BCAS3: variants seen among roughly 807,000 people sequenced by gnomAD.
The protein encoded by BCAS3 is BCAS4/BCAS3 fusion.
A neutral mutation model predicts 116.1 loss-of-function variants in BCAS3; 53 were observed. The observed-to-expected ratio is 0.46, with a 90% CI of 0.37 to 0.57. BCAS3 has a LOEUF of 0.57. Ranked by LOEUF, BCAS3 falls within the 20% of genes least tolerant of loss-of-function variation. BCAS3 has a pLI of 0.00. For synonymous variants in BCAS3, 391 were observed against 408.2 expected (o/e 0.96, Z 0.51); for missense variants, 917 against 1,165.4 (o/e 0.79, Z 3.10).
intron 22 of BCAS3, among the ~76,000 whole-genome samples, chr17:61,237,125 G>A (rs1195271218): frequency 1.3e-5 from 2 of 152,100 alleles, no homozygotes; most frequent in Non-Finnish European, 2.9e-5. Context: ...TGGACTTCTG[G>A]GTAGAGTGGG....
chr17:60,964,150 C>T lies in BCAS3; in HGVS notation c.1221+16798C>T, dbSNP rs1381045700. Among the ~76,000 whole-genome samples, 7 of 152,026 alleles carry T rather than the reference C, an allele frequency of 4.6e-5. No individual in the cohort carries two copies. Among genetic ancestry groups the T allele is most frequent in the Non-Finnish European group, 7.4e-5 (5 of 68,014 alleles). On this transcript the variant is annotated intron_variant, in intron 14 of 23. Transcript: ENST00000407086. This position sits in a 1 kb window ranked among gnomAD's most constrained non-coding sequence, Gnocchi z 4.6. The stretch of plus-strand genomic sequence containing the variant: ...AAAGGCCTTCATTTTTTCCCTGTTC[C>T]GTATGATGGTAGCTGTGGATTTGTC...
rs1181501297 is a variant in BCAS3 at position 60,960,248 on chromosome 17, C to G, written c.1221+12896C>G. Among the ~76,000 whole-genome samples, 1 of 152,092 alleles carries G rather than the reference C, an allele frequency of 6.6e-6. No individual in the cohort carries two copies. The highest frequency in any genetic ancestry group is 1.5e-5 in the Non-Finnish European group (1 of 68,028). ...CACAACCCATTCATTACAGCATCAA[C>G]TCTAAGTCTAAATTTTTTTTAAAAA... On this transcript the variant is annotated intron_variant, in intron 14 of 23. Coordinates refer to ENST00000407086, the MANE Select transcript of BCAS3 (RefSeq NM_017679.5). The surrounding 1 kb of genome is among the most constrained non-coding windows in gnomAD (Gnocchi z 4.1).
chr17:61,206,063 G>GT (rs1456625657), intron 22 of BCAS3, among the ~76,000 whole-genome samples: 3 of 152,116 alleles, frequency 2.0e-5, no homozygotes, highest in African/African-American at 7.2e-5. Context: ...ACGTCTGTAG[G>GT]TTTTTTTCAT....
At chr17:60,701,255 A>C (rs1939843386) in intron 4 of BCAS3, among the ~76,000 whole-genome samples, 1 of 152,126 alleles carries the variant, frequency 6.6e-6, no homozygotes, top group African/African-American at 2.4e-5. Flanking sequence ...AAAAAAAATA[A>C]ATAAATAAAA....
chr17:60,823,004 A>C (rs535200380), intron 7 of BCAS3, among the ~76,000 whole-genome samples: 2 of 152,274 alleles, frequency 1.3e-5, no homozygotes, highest in Admixed American at 6.5e-5. Flanking sequence ...GAGAGAAAAT[A>C]GCAGAAGAAC....
intron 22 of BCAS3, among the ~76,000 whole-genome samples, chr17:61,340,332 A>G (rs73993464): frequency 0.029 from 888 of 30,158 alleles, 11 homozygotes; most frequent in African/African-American, 0.11. Context: ...ACACAGATGC[A>G]GGGGGTGGGT....
At chr17:61,099,197 G>C (rs2074164958) in intron 22 of BCAS3, among the ~76,000 whole-genome samples, 1 of 152,130 alleles carries the variant, frequency 6.6e-6, no homozygotes, top group Admixed American at 6.5e-5. Flanking sequence ...AGAACAGAGG[G>C]GGAAAAATGA....
Position 61,344,952 on chromosome 17 carries a change from C to T in BCAS3, c.2426-23375C>T, listed in dbSNP as rs1019471830. 1.3e-5 allele frequency among the ~76,000 whole-genome samples: 2 copies of T among 152,118 alleles called. No homozygotes were observed. The highest frequency in any genetic ancestry group is 1.3e-4 in the Admixed American group (2 of 15,272). ...ACACACATACACACACACACACGCA[C>T]ACCCCTCACAGAAAAATAGCCACTC... On this transcript the variant is annotated intron_variant, in intron 22 of 23. Coordinates refer to ENST00000407086, the MANE Select transcript of BCAS3 (RefSeq NM_017679.5). This position sits in a 1 kb window ranked among gnomAD's most constrained non-coding sequence, Gnocchi z 4.1.
At chr17:60,730,064 A>T (rs1438259856) in intron 5 of BCAS3, among the ~76,000 whole-genome samples, 1 of 152,322 alleles carries the variant, frequency 6.6e-6, no homozygotes, top group Non-Finnish European at 1.5e-5. Flanking sequence ...GACTGGAATG[A>T]TATTTGGATT....
Position 61,041,026 on chromosome 17 carries a change from G to A in BCAS3, c.2029+134G>A. On this transcript the variant is annotated intron_variant, in intron 19 of 23. Coordinates refer to ENST00000407086, the MANE Select transcript of BCAS3 (RefSeq NM_017679.5). This position sits in a 1 kb window ranked among gnomAD's most constrained non-coding sequence, Gnocchi z 4.7. ...TAAAGAATCAGTTTGAGGCAAATAA[G>A]ATATTTAATATGAATATAAACTGTA... 1.5e-6 allele frequency: 1 copy of A among 654,656 alleles called. No individual in the cohort carries two copies. Among genetic ancestry groups the A allele is most frequent in the Non-Finnish European group, 2.6e-6 (1 of 381,606 alleles). The allele number at this position is 654,656 out of a possible 1,614,324, so 40.6% of individuals were successfully genotyped here. A position where few individuals can be genotyped will look rare whatever the true frequency, so the allele number is the denominator to read the frequency against.
Position 60,880,499 on chromosome 17 carries a change from A to G in BCAS3, c.661+5761A>G, listed in dbSNP as rs551155016. ...GAGACAGGGTTTCACCATGTGGGCC[A>G]GGATGGTCTTGATCTCTTGACCTCA... On this transcript the variant is annotated intron_variant, in intron 9 of 23. Coordinates refer to ENST00000407086, the MANE Select transcript of BCAS3 (RefSeq NM_017679.5). 2.6e-5 allele frequency among the ~76,000 whole-genome samples: 4 copies of G among 152,196 alleles called. No homozygotes were observed. The South Asian group carries it at 6.2e-4, about 24-fold the overall frequency.
chr17:61,003,013 C>A (rs920176133), intron 15 of BCAS3, among the ~76,000 whole-genome samples: 8 of 151,654 alleles, frequency 5.3e-5, no homozygotes, highest in African/African-American at 1.9e-4. Context: ...CACTTTTTGG[C>A]CTATCCTCCC....
intron 23 of BCAS3, among the ~76,000 whole-genome samples, chr17:61,371,675 T>C (rs1476532970): frequency 3.9e-5 from 6 of 152,210 alleles, no homozygotes; most frequent in Admixed American, 3.9e-4. Flanking sequence ...CACCATGTTG[T>C]ACATGATAAA....
At chr17:61,280,171 G>A (rs2144663706) in intron 22 of BCAS3, among the ~76,000 whole-genome samples, 1 of 152,270 alleles carries the variant, frequency 6.6e-6, no homozygotes, top group Non-Finnish European at 1.5e-5. Flanking sequence ...TTATGCCAAA[G>A]TTACCCACCA....
chr17:60,904,574 G>A (rs2058090057), intron 11 of BCAS3, among the ~76,000 whole-genome samples: 1 of 152,150 alleles, frequency 6.6e-6, no homozygotes, highest in East Asian at 1.9e-4. Flanking sequence ...CCTCGTGCCT[G>A]TAATACCAGC....
intron 5 of BCAS3, among the ~76,000 whole-genome samples, chr17:60,733,915 T>G (rs1038721745): frequency 5.9e-5 from 9 of 152,196 alleles, no homozygotes; most frequent in African/African-American, 2.2e-4. Context: ...ATAACAGTAC[T>G]TTATCAGATG....
In BCAS3 at chr17:61,302,205, C is replaced by T. The variant is rs2053510556; in HGVS notation, c.2426-66122C>T. On this transcript the variant is annotated intron_variant, in intron 22 of 23. Coordinates refer to ENST00000407086, the MANE Select transcript of BCAS3 (RefSeq NM_017679.5). The surrounding 1 kb of genome is among the most constrained non-coding windows in gnomAD (Gnocchi z 4.4). The stretch of plus-strand genomic sequence containing the variant: ...CCGACTCCCAGGGTTCTCCTGTTCT[C>T]TCTGGTGTATTACTTGACTTTCCTC... Among the ~76,000 whole-genome samples, 2 of 152,164 alleles carry T rather than the reference C, an allele frequency of 1.3e-5. No homozygotes were observed. Among genetic ancestry groups the T allele is most frequent in the African/African-American group, 4.8e-5 (2 of 41,432 alleles).
intron 14 of BCAS3, among the ~76,000 whole-genome samples, chr17:60,978,195 T>G (rs1234170242): frequency 2.3e-5 from 3 of 129,416 alleles, no homozygotes; most frequent in Non-Finnish European, 4.5e-5. Flanking sequence ...ATTGCCATTC[T>G]AACTGGTGTG....
intron 4 of BCAS3, among the ~76,000 whole-genome samples, chr17:60,692,087 A>G (rs2034907641): frequency 6.6e-6 from 1 of 152,060 alleles, no homozygotes; most frequent in Non-Finnish European, 1.5e-5. Context: ...ACAGAAGAAA[A>G]AGTGGATTGG....
Sources: allele counts gnomAD v4.1 joint callset (sites outside exome capture counted in the v4.1 genomes callset), GRCh38; gene constraint gnomAD v4.1.1; non-coding constraint Gnocchi (gnomAD v3.1); transcripts MANE v1.5; gene names NCBI Gene and HGNC (gene_info 2026-07-23, HGNC 2026-07-21).